Variants in BBX observed in about 807,000 individuals in gnomAD.
BBX encodes the protein BBX high mobility group box domain containing.
In BBX, 30 loss-of-function variants were observed where a neutral mutation model predicts 100.2. The observed-to-expected ratio is 0.30, with a 90% CI of 0.22 to 0.41. The LOEUF is 0.41. Among genes scored for constraint, BBX ranks in the 10% least tolerant of loss-of-function variants. The pLI, the probability that BBX is intolerant of heterozygous loss-of-function variation, is 1.00. For synonymous variants in BBX, 376 were observed against 388.1 expected (o/e 0.97, Z 0.37); for missense variants, 1,023 against 1,129.8 (o/e 0.91, Z 1.35).
At chr3:107,684,290 TAGC>T (rs1216646021) in intron 3 of BBX, among the ~76,000 whole-genome samples, 1 of 152,202 alleles carries the variant, frequency 6.6e-6, no homozygotes, top group East Asian at 1.9e-4. Flanking sequence ...ACTTTTGCCT[TAGC>T]AGTAAGTATG....
At chr3:107,779,441 AGTT>A (rs2067646730) in intron 13 of BBX, among the ~76,000 whole-genome samples, 1 of 152,100 alleles carries the variant, frequency 6.6e-6, no homozygotes, top group Admixed American at 6.6e-5. Context: ...TACTTCATTC[AGTT>A]GGCTCTCCTA....
At chr3:107,541,875 T>C (rs2048892159) in intron 2 of BBX, among the ~76,000 whole-genome samples, 1 of 151,858 alleles carries the variant, frequency 6.6e-6, no homozygotes, top group Non-Finnish European at 1.5e-5. Flanking sequence ...CTAGAGTGCA[T>C]CGGTGTGATT....
intron 2 of BBX, among the ~76,000 whole-genome samples, chr3:107,614,556 G>T (rs1168553942): frequency 6.6e-6 from 1 of 152,016 alleles, no homozygotes; most frequent in East Asian, 1.9e-4. Flanking sequence ...GACCCCTGTG[G>T]ATAGGAAAAT....
At chr3:107,580,693 A>G (rs1428146735) in intron 2 of BBX, among the ~76,000 whole-genome samples, 1 of 151,872 alleles carries the variant, frequency 6.6e-6, no homozygotes, top group East Asian at 1.9e-4. Context: ...GTGCAGTGGC[A>G]CGATCTTGGC....
chr3:107,554,892 A>T (rs2049974157), intron 2 of BBX, among the ~76,000 whole-genome samples: 1 of 152,000 alleles, frequency 6.6e-6, no homozygotes, highest in Admixed American at 6.6e-5. Context: ...AACATGGAGA[A>T]ACCCCATCTC....
At chr3:107,562,145 G>C (rs2050545765) in intron 2 of BBX, among the ~76,000 whole-genome samples, 1 of 148,890 alleles carries the variant, frequency 6.7e-6, no homozygotes, top group Non-Finnish European at 1.5e-5. Context: ...TGTAGATCTG[G>C]ATTCTCACAC....
chr3:107,693,269 T>C (rs1576363821), intron 3 of BBX, among the ~76,000 whole-genome samples: 1 of 151,862 alleles, frequency 6.6e-6, no homozygotes, highest in East Asian at 1.9e-4. Context: ...ATGAAGTCCT[T>C]GTCCATGCCT....
intron 2 of BBX, among the ~76,000 whole-genome samples, chr3:107,563,477 A>G (rs2107484530): frequency 6.6e-6 from 1 of 152,342 alleles, no homozygotes; most frequent in Admixed American, 6.5e-5. Context: ...GCATCACAGA[A>G]GGTTAAATAT....
chr3:107,730,821 T>C (rs1220342029), intron 6 of BBX, among the ~76,000 whole-genome samples: 1 of 152,202 alleles, frequency 6.6e-6, no homozygotes, highest in Non-Finnish European at 1.5e-5. Flanking sequence ...AACATTGATC[T>C]GATATTTCCA....
intron 9 of BBX, among the ~76,000 whole-genome samples, chr3:107,754,905 T>C (rs1300455245): frequency 6.6e-6 from 1 of 152,114 alleles, no homozygotes. Context: ...GAAAAGGCAG[T>C]GTTGTTTATT....
chr3:107,553,874 T>C (rs2049884668), intron 2 of BBX, among the ~76,000 whole-genome samples: 1 of 152,244 alleles, frequency 6.6e-6, no homozygotes, highest in Non-Finnish European at 1.5e-5. Flanking sequence ...TGAGTACTTA[T>C]TTTCTAGATT....
In BBX at chr3:107,710,500, GGA is replaced by G. The variant is rs2061649309; in HGVS notation, c.43_44del (p.Glu15ArgfsTer23). On this transcript the variant is annotated frameshift_variant, in exon 4 of 18. Coordinates refer to ENST00000325805, the MANE Select transcript of BBX (RefSeq NM_001142568.3). LOFTEE classifies it high-confidence loss of function. ...TAGAAATAAGGATCATTCAGCAGAA[GGA>G]GAAGGGGTTGGAAAACGACCAAAAC... The part of the protein sequence containing the change: ...SNRNKDHSAE[G>X]EGVGKRPKRK... The G allele has an allele frequency of 6.2e-7, 1 of 1,613,594 alleles. No individual in the cohort carries two copies. The highest frequency in any genetic ancestry group is 1.7e-5 in the Admixed American group (1 of 59,956).
intron 2 of BBX, among the ~76,000 whole-genome samples, chr3:107,548,078 G>A (rs2049371821): frequency 6.6e-6 from 1 of 152,086 alleles, no homozygotes; most frequent in African/African-American, 2.4e-5. Flanking sequence ...ATACTTACCT[G>A]GGAGGCATCG....
intron 2 of BBX, among the ~76,000 whole-genome samples, chr3:107,582,131 T>TA (rs775727302): frequency 2.7e-4 from 41 of 151,524 alleles, no homozygotes; most frequent in East Asian, 7.7e-4. Flanking sequence ...ACCTTCTTTT[T>TA]AAAAAAAAAT....
chr3:107,714,976 G>A (rs528714035), intron 4 of BBX, among the ~76,000 whole-genome samples: 19 of 152,136 alleles, frequency 1.2e-4, no homozygotes, highest in African/African-American at 4.6e-4. Context: ...AGTAGAGACA[G>A]GGCTTCACCA....
At chr3:107,541,331 G>A (rs1404522056) in intron 2 of BBX, among the ~76,000 whole-genome samples, 1 of 151,822 alleles carries the variant, frequency 6.6e-6, no homozygotes, top group Non-Finnish European at 1.5e-5. Context: ...TTTTTTTCTT[G>A]TACTTAATTT....
At chr3:107,558,025 CTG>C (rs1226634161) in intron 2 of BBX, among the ~76,000 whole-genome samples, 2 of 152,224 alleles carry the variant, frequency 1.3e-5, no homozygotes, top group Non-Finnish European at 2.9e-5. Context: ...TGGCAGCAGT[CTG>C]TGGTTTAATA....
intron 2 of BBX, among the ~76,000 whole-genome samples, chr3:107,597,060 T>C (rs1000306379): frequency 1.3e-5 from 2 of 152,218 alleles, no homozygotes; most frequent in Admixed American, 6.5e-5. Flanking sequence ...TAAGTCTAAA[T>C]CATTTGCTAA....
intron 3 of BBX, among the ~76,000 whole-genome samples, chr3:107,697,571 C>G (rs540286615): frequency 1.3e-5 from 2 of 151,858 alleles, no homozygotes; most frequent in Non-Finnish European, 2.9e-5. Flanking sequence ...TCTCCAGCCG[C>G]GTGCTGGGAG....
Sources: gnomAD v4.1 joint callset for allele counts (sites outside exome capture counted in the v4.1 genomes callset) on GRCh38, gnomAD v4.1.1 for gene constraint, MANE v1.5 for transcripts, NCBI Gene and HGNC (gene_info 2026-07-23, HGNC 2026-07-21) for gene names.